The following RIMS2 variants were observed in gnomAD, a reference collection of about 807,000 sequenced individuals.
RIMS2 encodes regulating synaptic membrane exocytosis protein 2.
Under a neutral mutation model 174.4 loss-of-function variants are expected in RIMS2, and 59 were observed. That is an observed-to-expected ratio of 0.34 (90% confidence interval 0.27 to 0.42). RIMS2 has a LOEUF of 0.42. Ranked by LOEUF, RIMS2 falls within the 10% of genes least tolerant of loss-of-function variation. The probability of loss-of-function intolerance (pLI) is 1.00; values close to 1 mark genes in which losing one functional copy is unlikely to be tolerated. For missense variants in RIMS2, 1,620 were observed against 1,666.3 expected (o/e 0.97, Z 0.48); for synonymous variants, 606 against 572.5 (o/e 1.06, Z -0.84).
intron 1 of RIMS2, among the ~76,000 whole-genome samples, chr8:103,501,945 G>C (rs1437540195): frequency 6.6e-6 from 1 of 152,184 alleles, no homozygotes; most frequent in East Asian, 1.9e-4. Flanking sequence ...CTTTAGCTCT[G>C]AGACTACTTT....
chr8:103,847,432 C>G (rs1306624596), intron 3 of RIMS2, among the ~76,000 whole-genome samples: 1 of 152,088 alleles, frequency 6.6e-6, no homozygotes, highest in Non-Finnish European at 1.5e-5. Context: ...CTGGATGGCA[C>G]AGTATGTGTT....
intron 1 of RIMS2, among the ~76,000 whole-genome samples, chr8:103,597,750 A>G (rs562964341): frequency 1.3e-5 from 2 of 151,988 alleles, no homozygotes; most frequent in African/African-American, 2.4e-5. Context: ...TTCACCTGCT[A>G]TCTGAACCTT....
chr8:104,095,941 C>T (rs758441654), intron 19 of RIMS2, among the ~76,000 whole-genome samples: 1 of 152,006 alleles, frequency 6.6e-6, no homozygotes, highest in African/African-American at 2.4e-5. Flanking sequence ...TGTATTTGTG[C>T]TCTATGAAAG....
At chr8:103,968,418 G>GT (rs1223584082) in intron 15 of RIMS2, among the ~76,000 whole-genome samples, 147 of 144,524 alleles carry the variant, frequency 1.0e-3, no homozygotes, top group African/African-American at 2.6e-3. Flanking sequence ...CTTTTTCAGT[G>GT]TTTTTTTTTT....
intron 19 of RIMS2, among the ~76,000 whole-genome samples, chr8:104,183,737 G>T (rs2098953096): frequency 6.6e-6 from 1 of 151,270 alleles, no homozygotes; most frequent in Admixed American, 6.6e-5. Flanking sequence ...TTTATCTTCT[G>T]CCCCTAAGAT....
At chr8:104,110,035 G>C (rs2098150133) in intron 19 of RIMS2, among the ~76,000 whole-genome samples, 1 of 152,172 alleles carries the variant, frequency 6.6e-6, no homozygotes, top group Non-Finnish European at 1.5e-5. Flanking sequence ...AGATGGATAA[G>C]TGTACAAATG....
chr8:103,827,781 G>A (rs908980352), intron 3 of RIMS2, among the ~76,000 whole-genome samples: 1 of 152,094 alleles, frequency 6.6e-6, no homozygotes, highest in Admixed American at 6.5e-5. Flanking sequence ...GTTGCAGTGA[G>A]CTGAGATCGT....
At chr8:103,545,907 G>T (rs1248295918) in intron 1 of RIMS2, among the ~76,000 whole-genome samples, 3 of 152,134 alleles carry the variant, frequency 2.0e-5, no homozygotes, top group Non-Finnish European at 1.5e-5. Flanking sequence ...AATATGGAAA[G>T]ACTGTTACTG....
chr8:103,579,503 C>T (rs2093473692), intron 1 of RIMS2, among the ~76,000 whole-genome samples: 1 of 152,044 alleles, frequency 6.6e-6, no homozygotes, highest in African/African-American at 2.4e-5. Flanking sequence ...ATAGTTATAG[C>T]TACCTTTTAA....
intron 18 of RIMS2, 61 bp from the exon 21 acceptor site, chr8:104,014,445 G>T (rs543000358): frequency 2.2e-6 from 2 of 889,884 alleles, no homozygotes; most frequent in Non-Finnish European, 3.6e-6. Flanking sequence ...TGAACCAAAT[G>T]TAGGTATTAA....
chr8:103,790,111 A>G (rs542915158), intron 3 of RIMS2, among the ~76,000 whole-genome samples: 2 of 152,266 alleles, frequency 1.3e-5, no homozygotes, highest in South Asian at 4.2e-4. Flanking sequence ...ATGGAGATAT[A>G]ATTCATGTGT....
chr8:103,897,695 A>G (rs2154523234), intron 4 of RIMS2, among the ~76,000 whole-genome samples: 1 of 151,826 alleles, frequency 6.6e-6, no homozygotes, highest in Non-Finnish European at 1.5e-5. Context: ...GGCTAAGAGC[A>G]TACCAAGAAG....
At position 103,766,208 on chromosome 8, in the gene RIMS2, C is replaced by T. The variant is rs760472720; in HGVS notation, c.388-19C>T. 5.8e-6 allele frequency: 9 copies of T among 1,555,520 alleles called. No individual in the cohort carries two copies. The highest frequency in any genetic ancestry group is 4.1e-5 in the African/African-American group (3 of 72,628). ...CTTTTGGGAACACTAATTTTTTCCC[C>T]CTATGTCTTCATGTGCAGGTTATGT... On this transcript the variant is annotated intron_variant, in intron 2 of 23. Transcript: ENST00000504942.
Position 103,598,178 on chromosome 8 carries a change from C to T in RIMS2, c.176+97116C>T, listed in dbSNP as rs151193059. 4.8e-3 allele frequency among the ~76,000 whole-genome samples: 727 copies of T among 152,194 alleles called. 3 individuals are homozygous for T. The highest frequency in any genetic ancestry group is 7.9e-3 in the Non-Finnish European group (535 of 68,004). On this transcript the variant is annotated intron_variant, in intron 1 of 23. Coordinates refer to ENST00000504942, the Ensembl canonical transcript of RIMS2. ...TGGATCTGAACTAAATCAGATTTCCCGTAGAAACCTTTAAATTCCATCACA... is the reference window on the plus strand; with the variant it reads ...TGGATCTGAACTAAATCAGATTTCCTGTAGAAACCTTTAAATTCCATCACA...
In RIMS2 at chr8:104,054,130, A is replaced by G. The variant is rs550430813; in HGVS notation, c.3334+39515A>G. ...GTCCAGTTTCTCCTAGTCTGTCCTG[A>G]TGTCTCTCCATCTAATTCTCATCCT... On this transcript the variant is annotated intron_variant, in intron 19 of 23. Transcript: ENST00000504942. 2.6e-5 allele frequency among the ~76,000 whole-genome samples: 4 copies of G among 152,138 alleles called. No individual in the cohort carries two copies. The South Asian group carries it at 6.2e-4, about 24-fold the overall frequency.
chr8:104,076,070 CA>C (rs2097285372), intron 19 of RIMS2, among the ~76,000 whole-genome samples: 1 of 152,144 alleles, frequency 6.6e-6, no homozygotes, highest in Non-Finnish European at 1.5e-5. Context: ...TATGAAGATA[CA>C]TAAACTTAGA....
Position 104,072,574 on chromosome 8 carries a change from A to G in RIMS2, c.3334+57959A>G, listed in dbSNP as rs1042940620. ...CCAAAGCCTCAGACATATGAAGCAT[A>G]TGCTGTCTCCTGAGCTGTATTCCTG... On this transcript the variant is annotated intron_variant, in intron 19 of 23. Transcript: ENST00000504942. Among the ~76,000 whole-genome samples the G allele has an allele frequency of 2.0e-5, 3 of 152,292 alleles. 1 individual carries two copies. Among genetic ancestry groups the G allele is most frequent in the Non-Finnish European group, 2.9e-5 (2 of 68,016 alleles).
chr8:103,789,272 T>C (rs191449713), intron 3 of RIMS2, among the ~76,000 whole-genome samples: 1 of 152,246 alleles, frequency 6.6e-6, no homozygotes, highest in East Asian at 1.9e-4. Context: ...GAGCTGTTCC[T>C]ATTCGGCCAT....
chr8:103,824,131 A>G (rs186466119), intron 3 of RIMS2, among the ~76,000 whole-genome samples: 9 of 152,218 alleles, frequency 5.9e-5, no homozygotes, highest in Admixed American at 3.3e-4. Context: ...TTATTAGTAT[A>G]TGTCCTTAAT....
Sources: allele counts gnomAD v4.1 joint callset (sites outside exome capture counted in the v4.1 genomes callset), GRCh38; gene constraint gnomAD v4.1.1; transcripts MANE v1.5; gene names NCBI Gene and HGNC (gene_info 2026-07-23, HGNC 2026-07-21).